Variants in CCDC148 observed in about 807,000 individuals in gnomAD.
The protein encoded by CCDC148 is coiled-coil domain containing 148, also known as coiled-coil domain-containing protein 148.
Under a neutral mutation model 85.7 loss-of-function variants are expected in CCDC148, and 89 were observed. The observed-to-expected ratio is 1.04, with a 90% CI of 0.87 to 1.24. The LOEUF (loss-of-function observed/expected upper bound fraction) is 1.24. Ranked by LOEUF, CCDC148 falls within the 50% of genes most tolerant of loss-of-function variation. The probability of loss-of-function intolerance (pLI) is 0.00; values close to 1 mark genes in which losing one functional copy is unlikely to be tolerated. For synonymous variants in CCDC148, 230 were observed against 213.9 expected (o/e 1.08, Z -0.66); for missense variants, 692 against 671.7 (o/e 1.03, Z -0.33).
intron 9 of CCDC148, among the ~76,000 whole-genome samples, chr2:158,273,931 A>G (rs1049751146): frequency 6.6e-6 from 1 of 152,182 alleles, no homozygotes; most frequent in Non-Finnish European, 1.5e-5. Context: ...GATTCCCCAG[A>G]AAAGAGGATA....
intron 11 of CCDC148, among the ~76,000 whole-genome samples, chr2:158,191,628 G>A (rs570549838): frequency 2.2e-4 from 34 of 152,092 alleles, no homozygotes; most frequent in African/African-American, 8.2e-4. Flanking sequence ...TGTATTGGGT[G>A]TGACTTTTTC....
Position 158,206,009 on chromosome 2 carries a change from A to G in CCDC148, c.1370+14586T>C, listed in dbSNP as rs1294122567. On this transcript the variant is annotated intron_variant, in intron 11 of 13. Transcript: ENST00000283233. ...TTTAAGATCTAGCTCTTGAATCACT[A>G]TTGGACCCTGGTGATCATTATGATA... Among the ~76,000 whole-genome samples the G allele has an allele frequency of 7.9e-5, 12 of 152,158 alleles. No homozygotes were observed. The South Asian group carries it at 8.3e-4, about 11-fold the overall frequency.
chr2:158,237,357 C>T (rs1480758656), intron 10 of CCDC148, among the ~76,000 whole-genome samples: 1 of 152,010 alleles, frequency 6.6e-6, no homozygotes. Context: ...TTAGAATGAT[C>T]GGTCTGCCTA....
intron 1 of CCDC148, among the ~76,000 whole-genome samples, chr2:158,382,567 C>T (rs575614924): frequency 6.6e-6 from 1 of 152,178 alleles, no homozygotes; most frequent in African/African-American, 2.4e-5. Context: ...TTTGACATAA[C>T]CAAGTGACAG....
intron 9 of CCDC148, among the ~76,000 whole-genome samples, chr2:158,255,934 A>G (rs1688992690): frequency 6.6e-6 from 1 of 151,804 alleles, no homozygotes; most frequent in Non-Finnish European, 1.5e-5. Flanking sequence ...GACATTTAAA[A>G]TATGCTCGTC....
rs767345741 is a variant in CCDC148 at position 158,340,332 on chromosome 2, C to T, written c.396G>A (p.Gln132=). 6.2e-7 allele frequency: 1 copy of T among 1,613,918 alleles called. No individual in the cohort carries two copies. The highest frequency in any genetic ancestry group is 8.5e-7 in the Non-Finnish European group (1 of 1,179,926). Residue 132 remains glutamine, a synonymous_variant, in exon 5 of 14, where the codon CAG becomes CAA. Coordinates refer to ENST00000283233, the MANE Select transcript of CCDC148 (RefSeq NM_138803.4). ...YLKNVINPIQ[Q]LRADLKYRQH... ...GTCTGTATTTTAGATCTGCTCTCAG[C>T]TGCTGAATAGGATTTATTACATTTT...
chr2:158,317,391 G>C (rs1692330423), intron 7 of CCDC148, among the ~76,000 whole-genome samples: 1 of 152,154 alleles, frequency 6.6e-6, no homozygotes, highest in South Asian at 2.1e-4. Context: ...TACAAAAGGT[G>C]AGGTATTTAC....
chr2:158,342,594 A>G (rs1682769948), intron 3 of CCDC148, among the ~76,000 whole-genome samples: 1 of 152,176 alleles, frequency 6.6e-6, no homozygotes, highest in African/African-American at 2.4e-5. Flanking sequence ...ACTGCCAAAA[A>G]ATGAAGATAT....
chr2:158,399,237 C>T (rs13399109), intron 1 of CCDC148, among the ~76,000 whole-genome samples: 8,615 of 152,054 alleles, frequency 0.057, 476 homozygotes, highest in African/African-American at 0.14. Context: ...CTATTCCAAT[C>T]GATAGAAAAA....
chr2:158,405,796 T>A (rs972195252), intron 1 of CCDC148, among the ~76,000 whole-genome samples: 1 of 152,170 alleles, frequency 6.6e-6, no homozygotes, highest in Non-Finnish European at 1.5e-5. Context: ...ATTAATTGCA[T>A]TTATTGGATA....
chr2:158,394,601 C>T (rs570969960), intron 1 of CCDC148, among the ~76,000 whole-genome samples: 1 of 151,892 alleles, frequency 6.6e-6, no homozygotes, highest in South Asian at 2.1e-4. Context: ...TTCTCATTCT[C>T]ACTTCCAGAA....
At chr2:158,310,101 T>C (rs1319118320) in intron 8 of CCDC148, among the ~76,000 whole-genome samples, 2 of 152,214 alleles carry the variant, frequency 1.3e-5, no homozygotes, top group Non-Finnish European at 2.9e-5. Flanking sequence ...CTCTGGGTAC[T>C]TGAGATTAGG....
chr2:158,282,575 C>A (rs186245380), intron 9 of CCDC148, among the ~76,000 whole-genome samples: 1 of 151,944 alleles, frequency 6.6e-6, no homozygotes, highest in Non-Finnish European at 1.5e-5. Context: ...TTACAAGGGA[C>A]GTGAAGGACC....
chr2:158,416,405 C>T (rs1002403000), intron 1 of CCDC148, among the ~76,000 whole-genome samples: 1 of 152,216 alleles, frequency 6.6e-6, no homozygotes, highest in Admixed American at 6.5e-5. Flanking sequence ...TCTGCTCACA[C>T]ATATGAGCAT....
At chr2:158,235,552 C>T (rs1312602488) in intron 10 of CCDC148, among the ~76,000 whole-genome samples, 1 of 152,182 alleles carries the variant, frequency 6.6e-6, no homozygotes, top group East Asian at 1.9e-4. Context: ...AGCTGCTGAT[C>T]TGCTGGTATG....
intron 2 of CCDC148, among the ~76,000 whole-genome samples, chr2:158,354,390 G>T (rs1430590105): frequency 6.6e-6 from 1 of 152,120 alleles, no homozygotes; most frequent in South Asian, 2.1e-4. Context: ...AAATGATAAA[G>T]GGGATCTCAC....
At chr2:158,224,330 T>C (rs1297091408) in intron 10 of CCDC148, among the ~76,000 whole-genome samples, 1 of 152,190 alleles carries the variant, frequency 6.6e-6, no homozygotes, top group Non-Finnish European at 1.5e-5. Context: ...AGACCAAATC[T>C]ACATCTGATT....
intron 1 of CCDC148, among the ~76,000 whole-genome samples, chr2:158,432,142 A>G (rs1264612536): frequency 6.6e-6 from 1 of 152,126 alleles, no homozygotes. Context: ...AAAAATTATA[A>G]CTAATAATAT....
intron 10 of CCDC148, among the ~76,000 whole-genome samples, chr2:158,239,947 A>T (rs187521337): frequency 1.6e-3 from 244 of 152,236 alleles, no homozygotes; most frequent in African/African-American, 5.5e-3. Context: ...AAAGAAAAAG[A>T]CTAATAACTA....
Sources: gnomAD v4.1 joint callset for allele counts (sites outside exome capture counted in the v4.1 genomes callset) on GRCh38, gnomAD v4.1.1 for gene constraint, MANE v1.5 for transcripts, NCBI Gene and HGNC (gene_info 2026-07-23, HGNC 2026-07-21) for gene names.